PRKN: variants seen among roughly 807,000 people sequenced by gnomAD.
PRKN encodes parkin RBR E3 ubiquitin protein ligase.
In PRKN, 56 loss-of-function variants were observed where a neutral mutation model predicts 59.5. The ratio of observed to expected loss-of-function variants is 0.94; its 90% CI spans 0.76 to 1.18. PRKN has a LOEUF of 1.18. Ranked by LOEUF, PRKN falls within the 50% of genes most tolerant of loss-of-function variation. PRKN has a pLI of 0.00. For missense variants in PRKN, 657 were observed against 596.4 expected, an observed-to-expected ratio of 1.10 and a Z score of -1.06; for synonymous variants, 250 against 222.1, an observed-to-expected ratio of 1.13 and a Z score of -1.12.
At chr6:161,668,306 T>C (rs1784793475) in intron 7 of PRKN, among the ~76,000 whole-genome samples, 1 of 147,398 alleles carries the variant, frequency 6.8e-6, no homozygotes, top group Admixed American at 6.9e-5. Flanking sequence ...GCATCTTGAA[T>C]GTCATGGCCA....
At chr6:161,749,723 C>T (rs918324430) in intron 7 of PRKN, among the ~76,000 whole-genome samples, 6 of 152,034 alleles carry the variant, frequency 3.9e-5, no homozygotes, top group Non-Finnish European at 8.8e-5. Flanking sequence ...TGTAATCCCT[C>T]GGCCTCGGGG....
Position 162,472,472 on chromosome 6 carries a change from AT to A in PRKN, c.8-29000del, listed in dbSNP as rs1791802046. Among the ~76,000 whole-genome samples, 5 of 80,044 alleles carry A rather than the reference AT, an allele frequency of 6.2e-5. No individual in the cohort carries two copies. The South Asian group carries it at 1.8e-3, about 29-fold the overall frequency. The allele number at this position is 80,044 out of a possible 152,430, so 52.5% of individuals were successfully genotyped here. Reference sequence around the variant, plus strand: ...CAAACTCTAACTTTTATTTTATTTTATTTTATTTTATTTTATTTTATTTTTT... The same window carrying A: ...CAAACTCTAACTTTTATTTTATTTTATTTATTTTATTTTATTTTATTTTTT... On this transcript the variant is annotated intron_variant, in intron 1 of 11. Transcript: ENST00000366898.
chr6:161,757,946 T>TACAG (rs1789023065), intron 7 of PRKN, among the ~76,000 whole-genome samples: 1 of 134,926 alleles, frequency 7.4e-6, no homozygotes, highest in African/African-American at 2.7e-5. Context: ...TATATATGTA[T>TACAG]ATATATATAC....
chr6:162,486,032 T>G (rs1792523164), intron 1 of PRKN, among the ~76,000 whole-genome samples: 1 of 152,212 alleles, frequency 6.6e-6, no homozygotes, highest in South Asian at 2.1e-4. Context: ...TATTTCAGTC[T>G]TTTGTTTTTC....
At chr6:162,387,704 A>C (rs890043410) in intron 2 of PRKN, among the ~76,000 whole-genome samples, 3 of 152,136 alleles carry the variant, frequency 2.0e-5, no homozygotes, top group African/African-American at 7.2e-5. Context: ...GAATCAACAG[A>C]GCATTTTATC....
intron 6 of PRKN, among the ~76,000 whole-genome samples, chr6:161,956,547 ACTCT>A (rs1176649431): frequency 6.6e-6 from 1 of 150,552 alleles, no homozygotes; most frequent in Non-Finnish European, 1.5e-5. Context: ...GGAAAAATAA[ACTCT>A]CTCAATTAAG....
At chr6:161,795,074 CG>C (rs1397625876) in intron 6 of PRKN, among the ~76,000 whole-genome samples, 1 of 151,238 alleles carries the variant, frequency 6.6e-6, no homozygotes, top group Non-Finnish European at 1.5e-5. Context: ...TTAGTAGAGA[CG>C]GGGTTTCACC....
At chr6:161,625,076 T>C (rs1282934467) in intron 7 of PRKN, among the ~76,000 whole-genome samples, 1 of 152,190 alleles carries the variant, frequency 6.6e-6, no homozygotes, top group Non-Finnish European at 1.5e-5. Context: ...CTTTTTAAAG[T>C]AGATGACTTT....
At chr6:161,543,152 C>T (rs1390939971) in intron 9 of PRKN, among the ~76,000 whole-genome samples, 1 of 152,044 alleles carries the variant, frequency 6.6e-6, no homozygotes, top group African/African-American at 2.4e-5. Flanking sequence ...GGGTAGGTAT[C>T]ATCATAATTT....
At chr6:162,467,148 C>G (rs1791457204) in intron 1 of PRKN, among the ~76,000 whole-genome samples, 4 of 152,256 alleles carry the variant, frequency 2.6e-5, no homozygotes. Flanking sequence ...CACACGTAAT[C>G]AATCCTTTCA....
chr6:161,634,740 T>C (rs563954996), intron 7 of PRKN, among the ~76,000 whole-genome samples: 1 of 152,328 alleles, frequency 6.6e-6, no homozygotes, highest in African/African-American at 2.4e-5. Context: ...TTGTTCATCA[T>C]AGGCTGCCCT....
At chr6:162,261,196 T>A (rs556814037) in intron 3 of PRKN, among the ~76,000 whole-genome samples, 3 of 152,270 alleles carry the variant, frequency 2.0e-5, no homozygotes, top group East Asian at 3.9e-4. Context: ...CTCATCCTAG[T>A]AAGGAGAGGG....
In PRKN at chr6:161,737,229, G is replaced by C. The variant is rs754730315; in HGVS notation, c.871+48543C>G. Among the ~76,000 whole-genome samples the C allele has an allele frequency of 2.0e-5, 3 of 152,336 alleles. No homozygotes were observed. The East Asian group carries it at 5.8e-4, about 29-fold the overall frequency. ...AAGTCATCTGGCCTTCACCAGGAAG[G>C]CAAGGGGAATCCACTTAAAGGGGAA... On this transcript the variant is annotated intron_variant, in intron 7 of 11. Coordinates refer to ENST00000366898, the MANE Select transcript of PRKN (RefSeq NM_004562.3).
At position 161,520,900 on chromosome 6, in the gene PRKN, T is replaced by G. The variant is rs141006119; in HGVS notation, c.1083+27954A>C. On this transcript the variant is annotated intron_variant, in intron 9 of 11. Coordinates refer to ENST00000366898, the MANE Select transcript of PRKN (RefSeq NM_004562.3). ...ACAGATGCTTACCTAGTATCTGACA[T>G]AGGGTCAATACCCATAAATGCTTCT... Among the ~76,000 whole-genome samples, 7 of 152,352 alleles carry G rather than the reference T, an allele frequency of 4.6e-5. No homozygotes were observed. The East Asian group carries it at 1.3e-3, about 29-fold the overall frequency.
intron 2 of PRKN, among the ~76,000 whole-genome samples, chr6:162,390,838 A>G (rs1215298256): frequency 6.6e-6 from 1 of 152,200 alleles, no homozygotes; most frequent in African/African-American, 2.4e-5. Context: ...GAGATGGTAC[A>G]AAAAATTAAA....
intron 1 of PRKN, among the ~76,000 whole-genome samples, chr6:162,522,788 T>G (rs560289621): frequency 8.1e-6 from 1 of 123,812 alleles, no homozygotes; most frequent in African/African-American, 2.7e-5. Context: ...GTGAGTCAGA[T>G]GAACTGATCA....
intron 9 of PRKN, among the ~76,000 whole-genome samples, chr6:161,478,248 G>C (rs9458281): frequency 6.6e-6 from 1 of 152,038 alleles, no homozygotes; most frequent in Non-Finnish European, 1.5e-5. Flanking sequence ...AAACTGAGTA[G>C]TGTGGCTCCC....
At position 161,397,506 on chromosome 6, in the gene PRKN, T is replaced by C. The variant is rs1017520367; in HGVS notation, c.1084-10629A>G. Among the ~76,000 whole-genome samples, 1 of 152,192 alleles carries C rather than the reference T, an allele frequency of 6.6e-6. No individual in the cohort carries two copies. Among genetic ancestry groups the C allele is most frequent in the Non-Finnish European group, 1.5e-5 (1 of 68,046 alleles). ...AACATCAAGCTTAATTGACTGCCTC[T>C]CTTCTAACAACTTCTCAAAATCTAT... On this transcript the variant is annotated intron_variant, in intron 9 of 11. Transcript: ENST00000366898. The surrounding 1 kb of genome is among the most constrained non-coding windows in gnomAD (Gnocchi z 4.2).
chr6:162,662,006 C>T (rs1424886628), intron 1 of PRKN, among the ~76,000 whole-genome samples: 1 of 152,102 alleles, frequency 6.6e-6, no homozygotes, highest in East Asian at 1.9e-4. Context: ...TATTATTCCA[C>T]TATGTCCATG....
Sources: allele counts gnomAD v4.1 joint callset (sites outside exome capture counted in the v4.1 genomes callset), GRCh38; gene constraint gnomAD v4.1.1; non-coding constraint Gnocchi (gnomAD v3.1); transcripts MANE v1.5; gene names NCBI Gene and HGNC (gene_info 2026-07-23, HGNC 2026-07-21).